The following RANBP9 variants were observed in gnomAD, a reference collection of about 807,000 sequenced individuals.
RANBP9 encodes the protein ran-binding protein 9.
Under a neutral mutation model 84.3 loss-of-function variants are expected in RANBP9, and 15 were observed. That is an observed-to-expected ratio of 0.18 (90% CI 0.12 to 0.27). RANBP9 has a LOEUF of 0.27. RANBP9 is among the 10% of genes least tolerant of loss of function. The probability of loss-of-function intolerance (pLI) is 1.00; values close to 1 mark genes in which losing one functional copy is unlikely to be tolerated. For synonymous variants in RANBP9, 392 were observed against 349.6 expected (o/e 1.12, Z -1.35); for missense variants, 809 against 912.8 (o/e 0.89, Z 1.46).
intron 2 of RANBP9, among the ~76,000 whole-genome samples, chr6:13,692,274 A>AC (rs1419245644): frequency 6.6e-6 from 1 of 152,058 alleles, no homozygotes; most frequent in Non-Finnish European, 1.5e-5. Flanking sequence ...GGTGGCTCAC[A>AC]CCTATAATCC....
At chr6:13,669,561 A>C (rs887567591) in intron 2 of RANBP9, among the ~76,000 whole-genome samples, 4 of 152,200 alleles carry the variant, frequency 2.6e-5, no homozygotes, top group Non-Finnish European at 5.9e-5. Flanking sequence ...GAGATTTCAG[A>C]AACTCTTGTA....
chr6:13,660,279 C>G (rs1011398675), intron 2 of RANBP9, among the ~76,000 whole-genome samples: 3 of 152,140 alleles, frequency 2.0e-5, no homozygotes, highest in Non-Finnish European at 4.4e-5. Flanking sequence ...GAGACTGAAG[C>G]AGGAGGATCT....
At position 13,629,919 on chromosome 6, in the gene RANBP9, C is replaced by CGTGTG. The variant is rs1321431147; in HGVS notation, c.1947+2450_1947+2451insCACAC. ...TGTCTCTCTCTCTCTCTCTCTCTCT[C>CGTGTG]TCGTGTGTGTGTGTGTGTGTGTGTA... On this transcript the variant is annotated intron_variant, in intron 12 of 13. Transcript: ENST00000011619. 5.7e-3 allele frequency among the ~76,000 whole-genome samples: 747 copies of CGTGTG among 130,022 alleles called. 8 individuals carry two copies. The highest frequency in any genetic ancestry group is 0.021 in the African/African-American group (708 of 33,600). The allele number at this position is 130,022 out of a possible 152,430, so 85.3% of individuals were successfully genotyped here. A position where few individuals can be genotyped will look rare whatever the true frequency, so the allele number is the denominator to read the frequency against.
rs192507162 is a variant in RANBP9, at chr6:13,659,659, T to C, written c.684-827A>G. Reference sequence around the variant, plus strand: ...TGAATCCAGTTTGTTAAAAGGCTAATTGCCCATTATTGTTATCAAGGTTTT... The same window carrying C: ...TGAATCCAGTTTGTTAAAAGGCTAACTGCCCATTATTGTTATCAAGGTTTT... On this transcript the variant is annotated intron_variant, in intron 2 of 13. Coordinates refer to ENST00000011619, the MANE Select transcript of RANBP9 (RefSeq NM_005493.3). Among the ~76,000 whole-genome samples the C allele has an allele frequency of 1.4e-4, 22 of 152,282 alleles. No individual in the cohort carries two copies. The East Asian group carries it at 4.2e-3, about 29-fold the overall frequency.
At chr6:13,682,283 T>C (rs1766061879) in intron 2 of RANBP9, among the ~76,000 whole-genome samples, 1 of 151,748 alleles carries the variant, frequency 6.6e-6, no homozygotes, top group Non-Finnish European at 1.5e-5. Flanking sequence ...AACTAGTATA[T>C]ATCAAGTTGG....
chr6:13,674,025 A>C (rs1765831803), intron 2 of RANBP9, among the ~76,000 whole-genome samples: 1 of 151,864 alleles, frequency 6.6e-6, no homozygotes, highest in Admixed American at 6.6e-5. Flanking sequence ...TCAAGGCTGC[A>C]GTGAGCTGAG....
intron 10 of RANBP9, among the ~76,000 whole-genome samples, chr6:13,635,293 T>C (rs910531003): frequency 6.6e-6 from 1 of 152,174 alleles, no homozygotes; most frequent in East Asian, 1.9e-4. Flanking sequence ...ATAACTATAT[T>C]TGCACATATT....
At chr6:13,663,718 G>T (rs1562310031) in intron 2 of RANBP9, among the ~76,000 whole-genome samples, 1 of 152,006 alleles carries the variant, frequency 6.6e-6, no homozygotes, top group Non-Finnish European at 1.5e-5. Context: ...ATGATTACTA[G>T]ATAGTGTTTA....
In RANBP9 at chr6:13,660,515, C is replaced by T. The variant is rs374670216; in HGVS notation, c.684-1683G>A. ...GTGATAGACCAGGACTCTTGTCACT[C>T]AGGCTGGAGGGCAAAAACAAAAAAA... On this transcript the variant is annotated intron_variant, in intron 2 of 13. Transcript: ENST00000011619. Among the ~76,000 whole-genome samples, 24 of 152,156 alleles carry T rather than the reference C, an allele frequency of 1.6e-4. No homozygotes were observed. In the East Asian group the frequency reaches 2.3e-3, roughly 15 times the overall value.
chr6:13,639,005 G>A (rs183340195), intron 9 of RANBP9, among the ~76,000 whole-genome samples: 1 of 152,142 alleles, frequency 6.6e-6, no homozygotes, highest in East Asian at 1.9e-4. Context: ...TTTAATTCTG[G>A]TGACTACTCA....
chr6:13,635,961 G>T (rs371664001), intron 10 of RANBP9, among the ~76,000 whole-genome samples: 78 of 152,096 alleles, frequency 5.1e-4, no homozygotes, highest in South Asian at 5.0e-3. Context: ...CCTATAAAAA[G>T]CTAATTAAGT....
chr6:13,687,489 T>C (rs1238909076), intron 2 of RANBP9, among the ~76,000 whole-genome samples: 1 of 143,834 alleles, frequency 7.0e-6, no homozygotes, highest in Non-Finnish European at 1.5e-5. Flanking sequence ...CCCTATCTCT[T>C]AAAAAAAAAA....
intron 12 of RANBP9, among the ~76,000 whole-genome samples, chr6:13,626,329 T>C (rs1764601920): frequency 6.6e-6 from 1 of 152,244 alleles, no homozygotes. Flanking sequence ...TCGTCTTCTT[T>C]TCAAACAACT....
intron 1 of RANBP9, among the ~76,000 whole-genome samples, chr6:13,697,658 G>T (rs751234825): frequency 1.8e-4 from 28 of 151,850 alleles, no homozygotes; most frequent in Admixed American, 1.6e-3. Context: ...CCTACCTCTC[G>T]CCCAAGACAC....
chr6:13,690,922 T>C (rs1267341995), intron 2 of RANBP9, among the ~76,000 whole-genome samples: 1 of 152,064 alleles, frequency 6.6e-6, no homozygotes, highest in Non-Finnish European at 1.5e-5. Flanking sequence ...TCCCAACACT[T>C]TGGGAGGCCG....
At chr6:13,708,635 A>G (rs1758191103) in intron 1 of RANBP9, among the ~76,000 whole-genome samples, 1 of 152,230 alleles carries the variant, frequency 6.6e-6, no homozygotes, top group Non-Finnish European at 1.5e-5. Context: ...AGGTAAAACC[A>G]ATGCAGCACA....
rs1415362685 is a variant in RANBP9 at position 13,622,221 on chromosome 6, T to TA, written c.*140dup. On this transcript the variant is annotated 3_prime_UTR_variant, in exon 14 of 14. Coordinates refer to ENST00000011619, the MANE Select transcript of RANBP9 (RefSeq NM_005493.3). ...TTAGAAAATCATTTGCATCATGCTG[T>TA]AAACTAGGAAGCAATGTAAAGCGAC... 2.5e-6 allele frequency: 2 copies of TA among 813,664 alleles called. No individual in the cohort carries two copies. Among genetic ancestry groups the TA allele is most frequent in the Non-Finnish European group, 3.4e-6 (2 of 590,958 alleles). The allele number at this position is 813,664 out of a possible 1,614,324, so 50.4% of individuals were successfully genotyped here.
intron 2 of RANBP9, among the ~76,000 whole-genome samples, chr6:13,691,126 C>T (rs1766313987): frequency 6.7e-6 from 1 of 149,910 alleles, no homozygotes; most frequent in Admixed American, 6.7e-5. Context: ...CAAGATTGTG[C>T]CACTGAACTC....
chr6:13,693,285 G>A (rs1749009928), intron 2 of RANBP9, among the ~76,000 whole-genome samples: 1 of 152,186 alleles, frequency 6.6e-6, no homozygotes, highest in Admixed American at 6.5e-5. Flanking sequence ...TAGGTGAAGA[G>A]CAGGTGAGAA....
Sources: allele counts gnomAD v4.1 joint callset (sites outside exome capture counted in the v4.1 genomes callset), GRCh38; gene constraint gnomAD v4.1.1; transcripts MANE v1.5; gene names NCBI Gene and HGNC (gene_info 2026-07-23, HGNC 2026-07-21).